Variants in SLC22A9 observed in about 807,000 individuals in gnomAD.
SLC22A9 encodes the protein solute carrier family 22 member 9.
SLC22A9 carries 64 observed loss-of-function variants against 50.1 expected under a neutral mutation model. The ratio of observed to expected loss-of-function variants is 1.28; its 90% CI spans 1.04 to 1.57. The LOEUF (loss-of-function observed/expected upper bound fraction) is 1.57, where lower values mean the gene tolerates loss of function less well. Among genes scored for constraint, SLC22A9 ranks in the 40% most tolerant of loss-of-function variants. The pLI is 0.00. For missense variants in SLC22A9, 757 were observed against 676.1 expected, an observed-to-expected ratio of 1.12 and a Z score of -1.33; for synonymous variants, 261 against 242.5, an observed-to-expected ratio of 1.08 and a Z score of -0.71.
chr11:63,370,569 C>A, intron 1 of SLC22A9, 111 bp downstream of exon 1: 1 of 1,256,372 alleles, frequency 8.0e-7, no homozygotes. Flanking sequence ...AGTCTTCATT[C>A]TTTCAGCAAA....
At chr11:63,373,136 T>C (rs868807592) in intron 2 of SLC22A9, among the ~76,000 whole-genome samples, 558 of 32,876 alleles carry the variant, frequency 0.017, 4 homozygotes, top group African/African-American at 0.04. Flanking sequence ...TTTTTTTTTC[T>C]TTTTTTTTTT....
rs143410045 is a variant in SLC22A9 at position 63,373,661 on chromosome 11, T to C, written c.524T>C (p.Val175Ala). 12 of 1,576,040 alleles carry C rather than the reference T, an allele frequency of 7.6e-6. No individual in the cohort carries two copies. In the African/African-American group the frequency reaches 9.6e-5, roughly 13 times the overall value. Residue 175 changes from valine to alanine, a missense_variant, in exon 3 of 10, where the codon GTG becomes GCG. Val to Ala is a moderately conservative substitution (Grantham distance 64). Transcript: ENST00000279178. ...TTTCTCAGGTTTGGGAGAAGGTTCGTGCTCAGATGGTGTTACCTCCAGGTT... is the reference window on the plus strand; with the variant it reads ...TTTCTCAGGTTTGGGAGAAGGTTCGCGCTCAGATGGTGTTACCTCCAGGTT... ...HLSDRFGRRF[V>A]LRWCYLQVAI...
Position 63,406,719 on chromosome 11 carries a change from A to G in SLC22A9, c.1288+8A>G. Reference sequence around the variant, plus strand: ...TCATATTTGTGCCACAAGGTGAGAAAAGATCACAGGTGGAAGAGAGAAATG... The same window carrying G: ...TCATATTTGTGCCACAAGGTGAGAAGAGATCACAGGTGGAAGAGAGAAATG... On this transcript the variant is annotated splice_region_variant and intron_variant, in intron 7 of 9. Transcript: ENST00000279178. 6.2e-7 allele frequency: 1 copy of G among 1,612,840 alleles called. No homozygotes were observed. Among genetic ancestry groups the G allele is most frequent in the Non-Finnish European group, 8.5e-7 (1 of 1,179,328 alleles).
At chr11:63,393,189 T>C (rs2014794187) in intron 6 of SLC22A9, among the ~76,000 whole-genome samples, 1 of 152,148 alleles carries the variant, frequency 6.6e-6, no homozygotes, top group East Asian at 1.9e-4. Flanking sequence ...GCTTTCCTTG[T>C]AGGGGTCTTT....
chr11:63,394,723 T>A (rs610369), intron 6 of SLC22A9, among the ~76,000 whole-genome samples: 11,670 of 152,226 alleles, frequency 0.077, 1,010 homozygotes, highest in African/African-American at 0.21. Context: ...CTATTTGAGA[T>A]GAATTTCACA....
chr11:63,385,113 T>TTTG (rs1408436078), intron 6 of SLC22A9, among the ~76,000 whole-genome samples: 15 of 139,314 alleles, frequency 1.1e-4, no homozygotes, highest in Non-Finnish European at 1.6e-4. Flanking sequence ...ACAGTTTTTT[T>TTTG]TTTTTTTTTT....
At chr11:63,379,625 A>G (rs555483904) in intron 5 of SLC22A9, among the ~76,000 whole-genome samples, 6 of 152,336 alleles carry the variant, frequency 3.9e-5, no homozygotes, top group Admixed American at 6.5e-5. Context: ...CTGTTCATCC[A>G]ACAAAGGCCT....
At chr11:63,382,543 G>A (rs1027993485) in intron 6 of SLC22A9, among the ~76,000 whole-genome samples, 1 of 152,154 alleles carries the variant, frequency 6.6e-6, no homozygotes, top group Admixed American at 6.5e-5. Flanking sequence ...TACAGTATAT[G>A]CTTTGGCTTG....
intron 4 of SLC22A9, 59 bp from the exon 5 acceptor site, chr11:63,375,586 C>T: frequency 4.4e-6 from 7 of 1,578,840 alleles, no homozygotes; most frequent in Non-Finnish European, 6.0e-6. Context: ...TAAGAAAAAA[C>T]TAATGTAAGA....
chr11:63,369,970 A>C lies in SLC22A9; in HGVS notation c.-87A>C. 1 of 1,336,300 alleles carries C rather than the reference A, an allele frequency of 7.5e-7. No individual in the cohort carries two copies. Among genetic ancestry groups the C allele is most frequent in the Non-Finnish European group, 1.0e-6 (1 of 972,044 alleles). The allele number at this position is 1,336,300 out of a possible 1,614,324, so 82.8% of individuals were successfully genotyped here. A position where few individuals can be genotyped will look rare whatever the true frequency, so the allele number is the denominator to read the frequency against. On this transcript the variant is annotated 5_prime_UTR_variant, in exon 1 of 10. Coordinates refer to ENST00000279178, the MANE Select transcript of SLC22A9 (RefSeq NM_080866.3). ...TCAGGATCAAAACACATTTAGTGTG[A>C]CTTAGGGAAAGAAAACATTTTCCCT...
intron 5 of SLC22A9, among the ~76,000 whole-genome samples, chr11:63,378,852 T>A (rs771434353): frequency 6.6e-6 from 1 of 151,982 alleles, no homozygotes; most frequent in Non-Finnish European, 1.5e-5. Flanking sequence ...AAAGCAATGA[T>A]GAAAGAAAGC....
intron 9 of SLC22A9, among the ~76,000 whole-genome samples, chr11:63,409,389 G>T (rs4357693): frequency 0.37 from 55,748 of 151,428 alleles, 11,799 homozygotes; most frequent in East Asian, 0.82. Flanking sequence ...AATAAGAATT[G>T]TCTTGGGCCA....
chr11:63,382,537 G>C (rs2014585192), intron 6 of SLC22A9, among the ~76,000 whole-genome samples: 1 of 152,154 alleles, frequency 6.6e-6, no homozygotes, highest in African/African-American at 2.4e-5. Context: ...TTCAATTACA[G>C]TATATGCTTT....
Position 63,381,619 on chromosome 11 carries a change from A to G in SLC22A9, c.955-540A>G, listed in dbSNP as rs541492009. Among the ~76,000 whole-genome samples, 48 of 152,218 alleles carry G rather than the reference A, an allele frequency of 3.2e-4. No homozygotes were observed. In the South Asian group the frequency reaches 1.0e-2, roughly 32 times the overall value. On this transcript the variant is annotated intron_variant, in intron 5 of 9. Coordinates refer to ENST00000279178, the MANE Select transcript of SLC22A9 (RefSeq NM_080866.3). ...AGAAGGGCCAGGATTGTCTCTTTTG[A>G]GAGTTATTCCTCATGGAAGCATGAG...
At position 63,373,902 on chromosome 11, in the gene SLC22A9, T is replaced by C. The variant is rs758323708; in HGVS notation, c.670T>C (p.Trp224Arg). The C allele has an allele frequency of 3.7e-6, 6 of 1,612,932 alleles. No homozygotes were observed. The highest frequency in any genetic ancestry group is 5.1e-6 in the Non-Finnish European group (6 of 1,179,468). ...ITNTIMLIAEWATHRFQAMGI... is the reference protein window; with the variant it reads ...ITNTIMLIAERATHRFQAMGI... ...TCTGTTTTTTCTTCCAGTAGCCGAG[T>C]GGGCAACACACAGATTCCAGGCCAT... The change falls in exon 4 of 10, where the codon TGG becomes CGG. Residue 224 changes from tryptophan (W) to arginine (R), a missense_variant. Coordinates refer to ENST00000279178, the MANE Select transcript of SLC22A9 (RefSeq NM_080866.3).
chr11:63,378,501 A>T (rs534300981), intron 5 of SLC22A9, among the ~76,000 whole-genome samples: 19 of 152,138 alleles, frequency 1.2e-4, no homozygotes, highest in Non-Finnish European at 2.2e-4. Context: ...TCTATTAAGC[A>T]TAGTACTCAA....
intron 6 of SLC22A9, among the ~76,000 whole-genome samples, chr11:63,389,524 T>C (rs757682689): frequency 1.3e-5 from 2 of 152,210 alleles, no homozygotes; most frequent in Non-Finnish European, 2.9e-5. Context: ...TCCATTTTTA[T>C]GGCTGCATGG....
chr11:63,387,818 A>G (rs1444188328), intron 6 of SLC22A9, among the ~76,000 whole-genome samples: 2 of 151,994 alleles, frequency 1.3e-5, no homozygotes, highest in Non-Finnish European at 2.9e-5. Flanking sequence ...ATCCTCTTCA[A>G]TTTCTTACAT....
intron 6 of SLC22A9, among the ~76,000 whole-genome samples, chr11:63,388,409 T>C (rs934520710): frequency 3.3e-5 from 5 of 152,076 alleles, no homozygotes; most frequent in African/African-American, 1.2e-4. Context: ...ATCATATGCT[T>C]TTTCAGCATC....
Sources: allele counts gnomAD v4.1 joint callset (sites outside exome capture counted in the v4.1 genomes callset), GRCh38; gene constraint gnomAD v4.1.1; transcripts MANE v1.5; gene names NCBI Gene and HGNC (gene_info 2026-07-23, HGNC 2026-07-21).